DUSP22: variants seen among roughly 807,000 people sequenced by gnomAD.
DUSP22 encodes the protein dual specificity protein phosphatase 22.
Under a neutral mutation model 24.5 loss-of-function variants are expected in DUSP22, and 24 were observed. The ratio of observed to expected loss-of-function variants is 0.98; its 90% CI spans 0.71 to 1.38. DUSP22 has a LOEUF of 1.38. Among genes scored for constraint, DUSP22 ranks in the 40% most tolerant of loss-of-function variants. The probability of loss-of-function intolerance (pLI) is 0.00; values close to 1 mark genes in which losing one functional copy is unlikely to be tolerated. For missense variants in DUSP22, 330 were observed against 269.2 expected, an observed-to-expected ratio of 1.23 and a Z score of -1.58; for synonymous variants, 160 against 106.4, an observed-to-expected ratio of 1.50 and a Z score of -3.10.
At chr6:345,409 C>T (rs1410495287) in intron 4 of DUSP22, among the ~76,000 whole-genome samples, 1 of 151,568 alleles carries the variant, frequency 6.6e-6, no homozygotes, top group African/African-American at 2.5e-5. Context: ...AGGGTTTCAC[C>T]ATGTTGGCCA....
At chr6:329,104 C>T (rs1397799879) in intron 3 of DUSP22, among the ~76,000 whole-genome samples, 1 of 152,304 alleles carries the variant, frequency 6.6e-6, no homozygotes, top group African/African-American at 2.4e-5. Context: ...GGAATAAAGA[C>T]ACCTTGCAAA....
At chr6:301,049 T>TACACGTGG (rs1757559439) in intron 1 of DUSP22, among the ~76,000 whole-genome samples, 1 of 152,302 alleles carries the variant, frequency 6.6e-6, no homozygotes, top group Non-Finnish European at 1.5e-5. Flanking sequence ...GCAGACTTGT[T>TACACGTGG]ACACGTGGGT....
At position 348,190 on chromosome 6, in the gene DUSP22, C is replaced by T. The variant is rs750239515; in HGVS notation, c.351C>T (p.Thr117=). The change falls in exon 6 of 7, where the codon ACC becomes ACT. Residue 117 remains threonine, a synonymous_variant. Transcript: ENST00000419235. ...TDFGWEDALH[T]VRAGRSCANP... is the part of the protein sequence containing the mutation. ...TTGGCTGGGAGGATGCCCTGCACACCGTGCGTGCTGGGAGATCCTGTGCCA... is the reference window on the plus strand; with the variant it reads ...TTGGCTGGGAGGATGCCCTGCACACTGTGCGTGCTGGGAGATCCTGTGCCA... The T allele has an allele frequency of 2.5e-5, 41 of 1,614,256 alleles. No individual in the cohort carries two copies. Among genetic ancestry groups the T allele is most frequent in the South Asian group, 2.1e-4 (19 of 91,072 alleles).
At chr6:320,115 A>G (rs1351308656) in intron 3 of DUSP22, 1 of 152,668 alleles carries the variant, frequency 6.6e-6, no homozygotes, top group Admixed American at 6.5e-5. Flanking sequence ...ATCTTCCAGT[A>G]CTTAACTGAG....
chr6:305,808 C>T (rs567481257), intron 2 of DUSP22, among the ~76,000 whole-genome samples: 891 of 152,000 alleles, frequency 5.9e-3, no homozygotes, highest in African/African-American at 0.02. Context: ...CAGAGCCAGA[C>T]CATGTCATAG....
At chr6:332,743 C>A (rs904478428) in intron 3 of DUSP22, among the ~76,000 whole-genome samples, 1 of 152,228 alleles carries the variant, frequency 6.6e-6, no homozygotes, top group Admixed American at 6.5e-5. Flanking sequence ...GGGACGCCGG[C>A]ATTTCCATCT....
At chr6:324,724 G>A (rs1183301597) in intron 3 of DUSP22, among the ~76,000 whole-genome samples, 2 of 152,306 alleles carry the variant, frequency 1.3e-5, no homozygotes, top group East Asian at 3.8e-4. Flanking sequence ...GAGGGAGGAT[G>A]TGGTGTTCGG....
At chr6:315,956 T>C (rs1345350110) in intron 3 of DUSP22, among the ~76,000 whole-genome samples, 2 of 152,308 alleles carry the variant, frequency 1.3e-5, no homozygotes, top group Non-Finnish European at 1.5e-5. Flanking sequence ...GCAAATCCCA[T>C]AGGAACAGAG....
intron 3 of DUSP22, among the ~76,000 whole-genome samples, chr6:330,034 G>A (rs1342944704): frequency 6.6e-6 from 1 of 152,294 alleles, no homozygotes; most frequent in Non-Finnish European, 1.5e-5. Context: ...TGAATACAGA[G>A]TGTGTGTACA....
intron 2 of DUSP22, among the ~76,000 whole-genome samples, chr6:311,128 T>G (rs1193585445): frequency 6.6e-6 from 1 of 152,308 alleles, no homozygotes; most frequent in African/African-American, 2.4e-5. Flanking sequence ...TCTCATTGGT[T>G]TATAGAAATA....
intron 1 of DUSP22, among the ~76,000 whole-genome samples, chr6:296,007 A>T (rs1757312131): frequency 6.9e-6 from 1 of 144,112 alleles, no homozygotes; most frequent in African/African-American, 2.4e-5. Context: ...AAGATAGGAA[A>T]AGTCTTTCCT....
At chr6:301,744 G>A (rs1424040014) in intron 1 of DUSP22, among the ~76,000 whole-genome samples, 4 of 152,292 alleles carry the variant, frequency 2.6e-5, no homozygotes, top group African/African-American at 4.8e-5. Flanking sequence ...GTGACTGGGA[G>A]AAGGTGGCAC....
At chr6:348,047 G>C (rs1264965032) in intron 5 of DUSP22, 56 bp from the exon 6 acceptor site, 1 of 1,603,190 alleles carries the variant, frequency 6.2e-7, no homozygotes, top group Non-Finnish European at 8.5e-7. Flanking sequence ...TGGATTGGGC[G>C]ATGAACCCGG....
At chr6:341,180 C>T (rs1015376155) in intron 4 of DUSP22, among the ~76,000 whole-genome samples, 29 of 152,300 alleles carry the variant, frequency 1.9e-4, no homozygotes, top group Admixed American at 9.8e-4. Flanking sequence ...CTAACGCAAG[C>T]GTGGTCCGGT....
intron 3 of DUSP22, among the ~76,000 whole-genome samples, chr6:318,181 A>T (rs1183023034): frequency 6.6e-6 from 1 of 152,308 alleles, no homozygotes; most frequent in East Asian, 1.9e-4. Flanking sequence ...TGACTTTCTG[A>T]TTGAAATCTA....
In DUSP22 at chr6:350,471, C is replaced by A. The variant is rs916469909; in HGVS notation, c.*1520C>A. 61 of 1,161,588 alleles carry A rather than the reference C, an allele frequency of 5.3e-5. No homozygotes were observed. Among genetic ancestry groups the A allele is most frequent in the Non-Finnish European group, 6.3e-5 (59 of 938,748 alleles). 72.0% of individuals were successfully genotyped at this position (1,161,588 alleles called of 1,614,324 possible). Reference sequence around the variant, plus strand: ...TCTGAATTCCACCACAAAAAGAGACCCTGAATAAGAAGAGCAGTTTTCCTG... The same window carrying A: ...TCTGAATTCCACCACAAAAAGAGACACTGAATAAGAAGAGCAGTTTTCCTG... On this transcript the variant is annotated 3_prime_UTR_variant, in exon 7 of 7. Transcript: ENST00000419235.
chr6:317,156 TC>T (rs1254351686), intron 3 of DUSP22, among the ~76,000 whole-genome samples: 2 of 152,310 alleles, frequency 1.3e-5, no homozygotes. Flanking sequence ...TGCCTGTACT[TC>T]TGTCTTTATT....
chr6:314,609 A>G (rs1758260161), intron 3 of DUSP22, among the ~76,000 whole-genome samples: 1 of 152,310 alleles, frequency 6.6e-6, no homozygotes, highest in African/African-American at 2.4e-5. Flanking sequence ...CAAGTTTAGA[A>G]AACTTAGCAC....
At chr6:307,035 G>T (rs930581549) in intron 2 of DUSP22, among the ~76,000 whole-genome samples, 1 of 152,312 alleles carries the variant, frequency 6.6e-6, no homozygotes, top group Non-Finnish European at 1.5e-5. Context: ...TGCCAGGTCT[G>T]CAGTAGGCAG....
Sources: gnomAD v4.1 joint callset for allele counts (sites outside exome capture counted in the v4.1 genomes callset) on GRCh38, gnomAD v4.1.1 for gene constraint, MANE v1.5 for transcripts, NCBI Gene and HGNC (gene_info 2026-07-23, HGNC 2026-07-21) for gene names.